SLC5A8: variants seen among roughly 807,000 people sequenced by gnomAD.
SLC5A8 encodes solute carrier family 5 member 8.
SLC5A8 carries 55 observed loss-of-function variants against 71.9 expected under a neutral mutation model. That is an observed-to-expected ratio of 0.77 (90% confidence interval 0.62 to 0.96). The LOEUF (loss-of-function observed/expected upper bound fraction) is 0.96. Among genes scored for constraint, SLC5A8 ranks in the 40% least tolerant of loss-of-function variants. SLC5A8 has a pLI of 0.00. For synonymous variants in SLC5A8, 307 were observed against 276.1 expected, an observed-to-expected ratio of 1.11 and a Z score of -1.11; for missense variants, 701 against 745.3, an observed-to-expected ratio of 0.94 and a Z score of 0.69.
At position 101,180,676 on chromosome 12, in the gene SLC5A8, C is replaced by A. The variant is rs367969816; in HGVS notation, c.1166-580G>T. 1.0e-3 allele frequency among the ~76,000 whole-genome samples: 157 copies of A among 152,102 alleles called. 1 individual carries two copies. In the South Asian group the frequency reaches 0.016, roughly 16 times the overall value. On this transcript the variant is annotated intron_variant, in intron 9 of 14. Coordinates refer to ENST00000536262, the MANE Select transcript of SLC5A8 (RefSeq NM_145913.5). Reference sequence around the variant, plus strand: ...AGAAAGGCAACTTCTGGATAAGTAGCACATCTGCCCTAATGCTAAGTTGTT... The same window carrying A: ...AGAAAGGCAACTTCTGGATAAGTAGAACATCTGCCCTAATGCTAAGTTGTT...
At chr12:101,209,136 G>C (rs971477209) in intron 1 of SLC5A8, among the ~76,000 whole-genome samples, 1 of 152,134 alleles carries the variant, frequency 6.6e-6, no homozygotes, top group Non-Finnish European at 1.5e-5. Context: ...GAGACCTGAA[G>C]AACTTACCTT....
chr12:101,159,944 G>A (rs1035560199), intron 13 of SLC5A8, among the ~76,000 whole-genome samples: 2 of 152,338 alleles, frequency 1.3e-5, no homozygotes, highest in Admixed American at 6.5e-5. Flanking sequence ...CAATTTGGGA[G>A]ACCAAGGTGG....
chr12:101,197,535 C>T (rs529160341), intron 3 of SLC5A8, among the ~76,000 whole-genome samples: 34 of 152,212 alleles, frequency 2.2e-4, no homozygotes, highest in African/African-American at 7.2e-4. Flanking sequence ...CATTAAATGA[C>T]CCCATACAGA....
intron 12 of SLC5A8, among the ~76,000 whole-genome samples, chr12:101,164,890 A>C (rs1337975044): frequency 6.6e-6 from 1 of 152,170 alleles, no homozygotes; most frequent in African/African-American, 2.4e-5. Flanking sequence ...AGCCAAACCT[A>C]TGCATTCTTG....
chr12:101,156,944 A>G lies in SLC5A8; in HGVS notation c.*335T>C. On this transcript the variant is annotated 3_prime_UTR_variant, in exon 15 of 15. Coordinates refer to ENST00000536262, the MANE Select transcript of SLC5A8 (RefSeq NM_145913.5). ...AGGCATGGAAAATATTTTCAATAAT[A>G]CCCAAATTTAAGAATATACCTTTGA... 5.2e-6 allele frequency: 1 copy of G among 193,096 alleles called. No individual in the cohort carries two copies. The allele number at this position is 193,096 out of a possible 1,614,324, so 12.0% of individuals were successfully genotyped here.
At chr12:101,166,720 TA>T (rs753341788) in intron 11 of SLC5A8, 21 bp from the exon 12 acceptor site, 1 of 1,558,270 alleles carries the variant, frequency 6.4e-7, no homozygotes, top group Admixed American at 2.1e-5. Context: ...AGAATGCCTT[TA>T]AAAGAAAAAT....
intron 8 of SLC5A8, among the ~76,000 whole-genome samples, chr12:101,183,715 G>C (rs1464309568): frequency 6.6e-6 from 1 of 152,130 alleles, no homozygotes; most frequent in East Asian, 1.9e-4. Context: ...ATCACAAAAT[G>C]TAAGATTCTT....
At chr12:101,162,806 A>G (rs2051736504) in intron 12 of SLC5A8, among the ~76,000 whole-genome samples, 1 of 152,198 alleles carries the variant, frequency 6.6e-6, no homozygotes. Context: ...TCTAAAATAA[A>G]AGTTGAAATT....
intron 12 of SLC5A8, among the ~76,000 whole-genome samples, chr12:101,165,196 G>A (rs1326773461): frequency 6.6e-6 from 1 of 152,114 alleles, no homozygotes; most frequent in Non-Finnish European, 1.5e-5. Flanking sequence ...TTGTTTATTA[G>A]CTGAAATATT....
intron 1 of SLC5A8, among the ~76,000 whole-genome samples, chr12:101,209,031 AG>A (rs1310814126): frequency 1.3e-5 from 2 of 152,268 alleles, no homozygotes; most frequent in African/African-American, 4.8e-5. Context: ...TGGAAGGGGA[AG>A]GAAGGGGAGT....
chr12:101,178,657 C>T lies in SLC5A8; in HGVS notation c.1233+1372G>A, dbSNP rs187049289. 2.0e-3 allele frequency among the ~76,000 whole-genome samples: 298 copies of T among 152,118 alleles called. 3 individuals are homozygous for T. Among genetic ancestry groups the T allele is most frequent in the African/African-American group, 6.8e-3 (284 of 41,534 alleles). On this transcript the variant is annotated intron_variant, in intron 10 of 14. Coordinates refer to ENST00000536262, the MANE Select transcript of SLC5A8 (RefSeq NM_145913.5). ...TCTCACATTTTATACAAAATTAACT[C>T]CAAAGGGATTGTAGACTTAAATATA...
At position 101,182,878 on chromosome 12, in the gene SLC5A8, T is replaced by C. The variant is rs1268527771; in HGVS notation, c.1090A>G (p.Thr364Ala). 1 of 1,593,736 alleles carries C rather than the reference T, an allele frequency of 6.3e-7. No individual in the cohort carries two copies. Among genetic ancestry groups the C allele is most frequent in the African/African-American group, 1.4e-5 (1 of 73,434 alleles). The stretch of plus-strand genomic sequence containing the variant: ...TAAGGTTTGATTAGATCTTCCACAG[T>C]TACTGCTGCTAAGGCATTAATACTG... ...SSSINALAAV[T>A]VEDLIKPYFR... is the part of the protein sequence containing the mutation. Residue 364 changes from threonine to alanine, a missense_variant, in exon 9 of 15, where the codon ACT becomes GCT. Physicochemically the swap from Thr to Ala is moderately conservative, Grantham distance 58 (BLOSUM62 0). Coordinates refer to ENST00000536262, the MANE Select transcript of SLC5A8 (RefSeq NM_145913.5).
intron 9 of SLC5A8, among the ~76,000 whole-genome samples, chr12:101,182,374 C>G (rs1868406779): frequency 6.6e-6 from 1 of 152,164 alleles, no homozygotes; most frequent in Admixed American, 6.5e-5. Flanking sequence ...CTGACAGTGC[C>G]TTCTTAGGTA....
intron 9 of SLC5A8, among the ~76,000 whole-genome samples, chr12:101,180,535 C>T (rs148274943): frequency 3.3e-4 from 51 of 152,294 alleles, no homozygotes; most frequent in East Asian, 2.3e-3. Context: ...ACTCTTCTGA[C>T]TTTAAGCATT....
At chr12:101,197,916 A>T (rs951319354) in intron 3 of SLC5A8, among the ~76,000 whole-genome samples, 6 of 152,094 alleles carry the variant, frequency 3.9e-5, no homozygotes, top group Admixed American at 3.9e-4. Flanking sequence ...AATGTTCAAG[A>T]CAGACCTGAT....
Position 101,210,065 on chromosome 12 carries a change from A to C in SLC5A8, c.-217T>G. On this transcript the variant is annotated 5_prime_UTR_variant, in exon 1 of 15. Transcript: ENST00000536262. ...CCCGCCGCTGCGAGCCGCGCCCCTCAAACCCAGGTATGGGACCTCGGAAAA... is the reference window on the plus strand; with the variant it reads ...CCCGCCGCTGCGAGCCGCGCCCCTCCAACCCAGGTATGGGACCTCGGAAAA... 2.1e-6 allele frequency: 1 copy of C among 485,394 alleles called. No individual in the cohort carries two copies. Among genetic ancestry groups the C allele is most frequent in the Non-Finnish European group, 3.6e-6 (1 of 280,868 alleles). The allele number at this position is 485,394 out of a possible 1,614,324, so 30.1% of individuals were successfully genotyped here.
intron 3 of SLC5A8, 142 bp from the exon 4 acceptor site, chr12:101,195,304 A>G: frequency 4.0e-6 from 3 of 754,534 alleles, no homozygotes; most frequent in Non-Finnish European, 4.3e-6. Context: ...AACTAGCTCC[A>G]AATCTCATAA....
chr12:101,171,196 T>C (rs1351041725), intron 10 of SLC5A8, among the ~76,000 whole-genome samples: 1 of 152,192 alleles, frequency 6.6e-6, no homozygotes, highest in East Asian at 1.9e-4. Flanking sequence ...GATTAAGCTA[T>C]GCTTGTAAGG....
chr12:101,166,606 G>A lies in SLC5A8; in HGVS notation c.1414C>T (p.Pro472Ser), dbSNP rs745816158. 1.5e-5 allele frequency: 25 copies of A among 1,613,834 alleles called. No individual in the cohort carries two copies. In the South Asian group the frequency reaches 2.7e-4, roughly 18 times the overall value. Reference sequence around the variant, plus strand: ...CAGCCTTGGATATCAAGGTGCAATGGCAATGTTCTCTCAGGAAGTGGAGGA... The same window carrying A: ...CAGCCTTGGATATCAAGGTGCAATGACAATGTTCTCTCAGGAAGTGGAGGA... Reference protein sequence around the residue: ...IYPPLPERTLPLHLDIQGCNS... With the variant: ...IYPPLPERTLSLHLDIQGCNS... Residue 472 changes from proline (P) to serine (S), a missense_variant, in exon 12 of 15, where the codon CCA (proline) becomes TCA (serine). Physicochemically the swap from Pro to Ser is moderately conservative, Grantham distance 74 (BLOSUM62 -1). Coordinates refer to ENST00000536262, the MANE Select transcript of SLC5A8 (RefSeq NM_145913.5).
Sources: gnomAD v4.1 joint callset for allele counts (sites outside exome capture counted in the v4.1 genomes callset) on GRCh38, gnomAD v4.1.1 for gene constraint, MANE v1.5 for transcripts, NCBI Gene and HGNC (gene_info 2026-07-23, HGNC 2026-07-21) for gene names.